The following CD109 variants were observed in gnomAD, a reference collection of about 807,000 sequenced individuals.
The protein encoded by CD109 is CD109 antigen.
Under a neutral mutation model 165.8 loss-of-function variants are expected in CD109, and 149 were observed. That is an observed-to-expected ratio of 0.90 (90% CI 0.79 to 1.03). The LOEUF (loss-of-function observed/expected upper bound fraction) is 1.03, where lower values mean the gene tolerates loss of function less well. CD109 is among the 50% of genes least tolerant of loss of function. The pLI is 0.00. For synonymous variants in CD109, 585 were observed against 592.1 expected (o/e 0.99, Z 0.18); for missense variants, 1,712 against 1,677.8 (o/e 1.02, Z -0.36).
chr6:73,791,196 T>TATATATATATATATATACACATAC (rs1774945981), intron 22 of CD109, among the ~76,000 whole-genome samples: 1 of 22,288 alleles, frequency 4.5e-5, no homozygotes, highest in African/African-American at 1.2e-4. Flanking sequence ...CACATACATA[T>TATATATATATATATATACACATAC]ATATATATAT....
At chr6:73,766,693 G>T in intron 11 of CD109, 66 bp from the exon 12 acceptor site, 1 of 1,134,324 alleles carries the variant, frequency 8.8e-7, no homozygotes, top group South Asian at 1.4e-5. Context: ...TTGTTCAGCA[G>T]GTAACATCTT....
chr6:73,769,813 T>C (rs1354757578), intron 14 of CD109, among the ~76,000 whole-genome samples: 2 of 152,138 alleles, frequency 1.3e-5, no homozygotes, highest in Non-Finnish European at 2.9e-5. Context: ...AACATGCTGC[T>C]CCCTCTCCCC....
chr6:73,704,521 A>G (rs766806453), intron 2 of CD109, among the ~76,000 whole-genome samples: 2 of 152,202 alleles, frequency 1.3e-5, no homozygotes, highest in African/African-American at 2.4e-5. Context: ...TTTAAACTCC[A>G]AGTTAAACAT....
At chr6:73,688,162 A>AT in the CD109 span, among the ~76,000 whole-genome samples, 15 of 148,094 alleles carry the variant, frequency 1.0e-4, no homozygotes, top group East Asian at 1.2e-3. Flanking sequence ...TGTCTGGTAG[A>AT]TTTTTTTTGG....
chr6:73,702,858 T>C (rs1417801725), intron 2 of CD109, among the ~76,000 whole-genome samples: 1 of 152,258 alleles, frequency 6.6e-6, no homozygotes, highest in Non-Finnish European at 1.5e-5. Context: ...CTATTGTTAC[T>C]AGAAGAGAGT....
At chr6:73,754,590 T>C (rs1438087989) in intron 5 of CD109, among the ~76,000 whole-genome samples, 1 of 152,236 alleles carries the variant, frequency 6.6e-6, no homozygotes, top group African/African-American at 2.4e-5. Flanking sequence ...TTGTTTAAAG[T>C]AGGCTCAAAT....
intron 2 of CD109, among the ~76,000 whole-genome samples, chr6:73,711,129 A>G (rs1002952313): frequency 6.6e-6 from 1 of 152,160 alleles, no homozygotes. Flanking sequence ...TGCCCTGTAC[A>G]TTTAGCAGCC....
intron 5 of CD109, among the ~76,000 whole-genome samples, chr6:73,749,990 A>G (rs990818980): frequency 4.6e-5 from 7 of 152,234 alleles, no homozygotes; most frequent in Non-Finnish European, 8.8e-5. Context: ...TTATTGTTTA[A>G]CAAATATACG....
At chr6:73,776,984 A>ATTT (rs36173181) in intron 15 of CD109, among the ~76,000 whole-genome samples, 2 of 102,914 alleles carry the variant, frequency 1.9e-5, no homozygotes, top group Non-Finnish European at 3.8e-5. Context: ...TCCTTTGCCC[A>ATTT]TTTTTTTTTT....
chr6:73,681,566 C>T, the CD109 span, among the ~76,000 whole-genome samples: 1 of 151,400 alleles, frequency 6.6e-6, no homozygotes, highest in Non-Finnish European at 1.5e-5. Context: ...ACATGGATGG[C>T]AGCAGGCAAA....
Position 73,792,393 on chromosome 6 carries a change from T to A in CD109, c.2702-233T>A, listed in dbSNP as rs559280042. ...ATTTATGCCACATGCTTAACTGAGC[T>A]AAAAATGTCCTCTTTCATCACATGA... On this transcript the variant is annotated intron_variant, in intron 22 of 32. Transcript: ENST00000287097. 3.3e-5 allele frequency among the ~76,000 whole-genome samples: 5 copies of A among 152,228 alleles called. No individual in the cohort carries two copies. The East Asian group carries it at 9.6e-4, about 29-fold the overall frequency.
At chr6:73,761,735 C>A (rs775238050) in intron 7 of CD109, among the ~76,000 whole-genome samples, 14 of 152,002 alleles carry the variant, frequency 9.2e-5, no homozygotes, top group Non-Finnish European at 1.3e-4. Context: ...CTTGGCCAGG[C>A]TGGTCTTGAA....
At chr6:73,727,860 A>G (rs936928677) in intron 3 of CD109, among the ~76,000 whole-genome samples, 1 of 152,208 alleles carries the variant, frequency 6.6e-6, no homozygotes, top group East Asian at 1.9e-4. Flanking sequence ...TGTTTATAGT[A>G]TTAGGAAATC....
At position 73,768,068 on chromosome 6, in the gene CD109, G is replaced by T. The variant is rs371024041; in HGVS notation, c.1511G>T (p.Gly504Val). The T allele has an allele frequency of 8.1e-6, 13 of 1,613,086 alleles. No homozygotes were observed. Among genetic ancestry groups the T allele is most frequent in the African/African-American group, 8.0e-5 (6 of 74,876 alleles). ...TGTTCTTTTCAGGTAGTATCCAGGGGACAGTTGGTGGCTGTAGGAAAACAA... is the reference window on the plus strand; with the variant it reads ...TGTTCTTTTCAGGTAGTATCCAGGGTACAGTTGGTGGCTGTAGGAAAACAA... ...KELSYMVVSR[G>V]QLVAVGKQNS... Residue 504 changes from glycine (G) to valine (V), a missense_variant, in exon 14 of 33, where the codon GGA becomes GTA. Coordinates refer to ENST00000287097, the MANE Select transcript of CD109 (RefSeq NM_133493.5).
chr6:73,695,041 G>A (rs1274924435), upstream of CD109: 1 of 151,848 alleles, frequency 6.6e-6, no homozygotes. Context: ...AGTTTGTCTA[G>A]GTGCTACTTT....
chr6:73,783,550 G>A (rs1463992020), intron 18 of CD109, among the ~76,000 whole-genome samples, 157 bp from the exon 19 acceptor site: 2 of 152,160 alleles, frequency 1.3e-5, no homozygotes, highest in Admixed American at 6.6e-5. Flanking sequence ...GGGATTTACT[G>A]TTTTATACTT....
At chr6:73,729,000 C>T (rs1772244211) in intron 3 of CD109, among the ~76,000 whole-genome samples, 1 of 152,192 alleles carries the variant, frequency 6.6e-6, no homozygotes, top group Non-Finnish European at 1.5e-5. Flanking sequence ...GGGCTGCAGT[C>T]ATCTGAAGGC....
At chr6:73,708,202 A>G (rs1006312713) in intron 2 of CD109, among the ~76,000 whole-genome samples, 3 of 151,568 alleles carry the variant, frequency 2.0e-5, no homozygotes, top group East Asian at 1.9e-4. Context: ...CCTGTGTCCA[A>G]GTGTTCTCAT....
chr6:73,798,598 A>G (rs776435006), intron 23 of CD109, among the ~76,000 whole-genome samples: 7 of 151,964 alleles, frequency 4.6e-5, no homozygotes, highest in Non-Finnish European at 8.8e-5. Flanking sequence ...CCATGGGAGC[A>G]GAGCTGGTGG....
Sources: gnomAD v4.1 joint callset for allele counts (sites outside exome capture counted in the v4.1 genomes callset) on GRCh38, gnomAD v4.1.1 for gene constraint, MANE v1.5 for transcripts, NCBI Gene and HGNC (gene_info 2026-07-23, HGNC 2026-07-21) for gene names.